SLC14A2: variants seen among roughly 807,000 people sequenced by gnomAD.
SLC14A2 encodes urea transporter 2.
In SLC14A2, 91 loss-of-function variants were observed where a neutral mutation model predicts 104.6. The observed-to-expected ratio is 0.87, with a 90% CI of 0.73 to 1.04. SLC14A2 has a LOEUF of 1.04. Among genes scored for constraint, SLC14A2 ranks in the 50% least tolerant of loss-of-function variants. SLC14A2 has a pLI of 0.00. For synonymous variants in SLC14A2, 476 were observed against 466.4 expected (o/e 1.02, Z -0.27); for missense variants, 1,189 against 1,156.0 (o/e 1.03, Z -0.41).
At chr18:45,346,887 G>A (rs1161851479) in intron 1 of SLC14A2, among the ~76,000 whole-genome samples, 3 of 151,658 alleles carry the variant, frequency 2.0e-5, no homozygotes, top group Admixed American at 6.6e-5. Flanking sequence ...ACTTGAATCC[G>A]AGAGGCAGAG....
chr18:45,310,531 ACTGATAT>A (rs1445581125), intron 1 of SLC14A2, among the ~76,000 whole-genome samples: 1 of 152,250 alleles, frequency 6.6e-6, no homozygotes, highest in Non-Finnish European at 1.5e-5. Flanking sequence ...AATTTGGTCC[ACTGATAT>A]CAGCCATTAC....
intron 1 of SLC14A2, among the ~76,000 whole-genome samples, chr18:45,244,148 C>T (rs1348926685): frequency 6.6e-6 from 1 of 152,174 alleles, no homozygotes. Context: ...CTGGGCAGCC[C>T]ACCAATCTAG....
chr18:45,479,755 A>G (rs2087456324), intron 1 of SLC14A2, among the ~76,000 whole-genome samples: 4 of 152,202 alleles, frequency 2.6e-5, no homozygotes, highest in Admixed American at 2.6e-4. Context: ...TCAGAAAATT[A>G]AAGGCATAAT....
intron 1 of SLC14A2, among the ~76,000 whole-genome samples, chr18:45,349,335 A>C (rs2085479899): frequency 6.6e-6 from 1 of 152,202 alleles, no homozygotes; most frequent in Admixed American, 6.5e-5. Flanking sequence ...CCACATGAGA[A>C]TGTTGCAGTA....
chr18:45,386,760 A>G (rs2612573), intron 1 of SLC14A2, among the ~76,000 whole-genome samples: 149,021 of 152,268 alleles, frequency 0.98, 73,009 homozygotes, highest in South Asian at 1. Context: ...GTGGGACCTC[A>G]AACTGTTGAT....
intron 2 of SLC14A2, among the ~76,000 whole-genome samples, chr18:45,590,662 G>C (rs1194706400): frequency 6.6e-6 from 1 of 152,100 alleles, no homozygotes; most frequent in East Asian, 1.9e-4. Context: ...GGAACATCAG[G>C]ACCCACCTGC....
chr18:45,534,418 C>T (rs776690281), intron 2 of SLC14A2, among the ~76,000 whole-genome samples: 8 of 152,144 alleles, frequency 5.3e-5, no homozygotes, highest in Non-Finnish European at 7.4e-5. Context: ...AGCTGGTTAG[C>T]AGCTGAAAAA....
chr18:45,677,732 G>A (rs1378427515), intron 18 of SLC14A2, among the ~76,000 whole-genome samples: 1 of 152,204 alleles, frequency 6.6e-6, no homozygotes, highest in Non-Finnish European at 1.5e-5. Flanking sequence ...AGAATAAGCT[G>A]CCTGGTGTGA....
chr18:45,207,294 TAGG>T, the SLC14A2 span, among the ~76,000 whole-genome samples: 5 of 129,316 alleles, frequency 3.9e-5, no homozygotes, highest in South Asian at 9.5e-4. Flanking sequence ...AAGAGAAAGG[TAGG>T]AGGGAGAGAA....
At chr18:45,301,531 G>T (rs1024901054) in intron 1 of SLC14A2, among the ~76,000 whole-genome samples, 1 of 152,184 alleles carries the variant, frequency 6.6e-6, no homozygotes, top group Admixed American at 6.5e-5. Context: ...GCCATAGATG[G>T]TGTAACTGAT....
intron 1 of SLC14A2, among the ~76,000 whole-genome samples, chr18:45,342,842 C>T (rs2085409746): frequency 1.3e-5 from 2 of 152,210 alleles, no homozygotes; most frequent in Admixed American, 1.3e-4. Flanking sequence ...AACTTGAGCT[C>T]TGTCCTTGGA....
intron 1 of SLC14A2, among the ~76,000 whole-genome samples, chr18:45,299,417 A>G (rs548930715): frequency 2.6e-5 from 4 of 152,302 alleles, no homozygotes; most frequent in East Asian, 3.9e-4. Flanking sequence ...ACATGTGCGC[A>G]TGCACACACA....
chr18:45,376,464 G>T (rs1027494328), intron 1 of SLC14A2, among the ~76,000 whole-genome samples: 1 of 152,112 alleles, frequency 6.6e-6, no homozygotes, highest in African/African-American at 2.4e-5. Flanking sequence ...TTAAATATCT[G>T]CTTGTGCTCA....
the SLC14A2 span, among the ~76,000 whole-genome samples, chr18:45,203,309 T>C: frequency 6.6e-6 from 1 of 152,146 alleles, no homozygotes; most frequent in South Asian, 2.1e-4. Flanking sequence ...GGACTCCACA[T>C]TCTTACCCAG....
intron 2 of SLC14A2, among the ~76,000 whole-genome samples, chr18:45,486,702 T>C (rs1037266698): frequency 6.6e-6 from 1 of 152,174 alleles, no homozygotes; most frequent in Non-Finnish European, 1.5e-5. Context: ...AGTATCTCAC[T>C]CCTCATCCTG....
chr18:45,630,666 C>T (rs1415458576), intron 4 of SLC14A2, among the ~76,000 whole-genome samples: 1 of 152,182 alleles, frequency 6.6e-6, no homozygotes, highest in Non-Finnish European at 1.5e-5. Flanking sequence ...TATCACCAAA[C>T]ACAAATGGGA....
chr18:45,416,687 C>A (rs1014146240), intron 1 of SLC14A2, among the ~76,000 whole-genome samples: 1 of 152,064 alleles, frequency 6.6e-6, no homozygotes, highest in African/African-American at 2.4e-5. Context: ...ATCTAGAACT[C>A]ATTAACATGA....
At chr18:45,627,876 C>T (rs995954888) in intron 4 of SLC14A2, among the ~76,000 whole-genome samples, 2 of 151,498 alleles carry the variant, frequency 1.3e-5, no homozygotes, top group South Asian at 2.1e-4. Flanking sequence ...TGTGCATGGT[C>T]GTGCATGCCT....
chr18:45,409,749 A>G (rs2086194736), intron 1 of SLC14A2, among the ~76,000 whole-genome samples: 1 of 152,178 alleles, frequency 6.6e-6, no homozygotes, highest in East Asian at 1.9e-4. Context: ...CTAAATCAGC[A>G]TGAGGAGTAT....
Sources: allele counts gnomAD v4.1 joint callset (sites outside exome capture counted in the v4.1 genomes callset), GRCh38; gene constraint gnomAD v4.1.1; transcripts MANE v1.5; gene names NCBI Gene and HGNC (gene_info 2026-07-23, HGNC 2026-07-21).